ARMC8: variants seen among roughly 807,000 people sequenced by gnomAD.
ARMC8 encodes armadillo repeat-containing protein 8.
Under a neutral mutation model 99.3 loss-of-function variants are expected in ARMC8, and 20 were observed. The observed-to-expected ratio is 0.20, with a 90% CI of 0.14 to 0.29. The LOEUF is 0.29. Among genes scored for constraint, ARMC8 ranks in the 10% least tolerant of loss-of-function variants. ARMC8 has a pLI of 1.00. For missense variants in ARMC8, 569 were observed against 809.5 expected (o/e 0.70, Z 3.60); for synonymous variants, 263 against 278.3 (o/e 0.95, Z 0.55).
At chr3:138,290,059 A>G (rs2050793789) in intron 20 of ARMC8, among the ~76,000 whole-genome samples, 1 of 152,354 alleles carries the variant, frequency 6.6e-6, no homozygotes, top group Admixed American at 6.5e-5. Context: ...ATAGAACAGA[A>G]TGATATGAAA....
At chr3:138,232,726 A>G (rs535768239) in intron 6 of ARMC8, among the ~76,000 whole-genome samples, 2 of 152,376 alleles carry the variant, frequency 1.3e-5, no homozygotes, top group South Asian at 4.1e-4. Context: ...CAGTGTATAT[A>G]GTATTCTACC....
chr3:138,272,644 A>G (rs1187674110), intron 16 of ARMC8, among the ~76,000 whole-genome samples: 3 of 152,196 alleles, frequency 2.0e-5, no homozygotes, highest in Non-Finnish European at 4.4e-5. Context: ...TGGAAGGCCA[A>G]AGCAAGTGGA....
chr3:138,263,407 A>C, intron 12 of ARMC8: 1 of 254,548 alleles, frequency 3.9e-6, no homozygotes. Context: ...GCCCAATGAG[A>C]GTTCATTTAT....
intron 19 of ARMC8, among the ~76,000 whole-genome samples, chr3:138,285,329 T>C (rs2050302960): frequency 6.6e-6 from 1 of 152,226 alleles, no homozygotes; most frequent in Non-Finnish European, 1.5e-5. Flanking sequence ...CTTCAGTGGC[T>C]CCTTGTTATA....
rs751840468 is a variant in ARMC8, at chr3:138,289,104, A to G, written c.1878A>G (p.Ile626Met). Residue 626 changes from isoleucine (I) to methionine (M), a missense_variant, in exon 20 of 22, where the codon ATA becomes ATG. This residue lies in a region of ARMC8 where 227 missense variants were observed against 417.9 expected (regional missense o/e 0.54). Coordinates refer to ENST00000469044, the MANE Select transcript of ARMC8 (RefSeq NM_001363941.2). ...CCATGTTTTGTATATCAAACCTCAT[A>G]TGGAATGAAGAGGAAGGTAAGAGAT... ...LAAMFCISNLIWNEEEGSQER... is the reference protein window; with the variant it reads ...LAAMFCISNLMWNEEEGSQER... 2.5e-6 allele frequency: 4 copies of G among 1,613,110 alleles called. No individual in the cohort carries two copies. The highest frequency in any genetic ancestry group is 1.3e-5 in the African/African-American group (1 of 75,022).
chr3:138,198,526 T>TTATTA (rs1559911367), intron 1 of ARMC8, among the ~76,000 whole-genome samples: 4 of 145,890 alleles, frequency 2.7e-5, no homozygotes, highest in African/African-American at 1.0e-4. Context: ...TATTATTATT[T>TTATTA]TTTGAGACAG....
Position 138,235,108 on chromosome 3 carries a change from CTACAAA to C in ARMC8, c.604_609del (p.Tyr202_Lys203del). On this transcript the variant is annotated inframe_deletion and splice_region_variant, in exon 7 of 22. Coordinates refer to ENST00000469044, the MANE Select transcript of ARMC8 (RefSeq NM_001363941.2). ...TTGCTCACCTACTAACCTCACTGTC[CTACAAA>C]GTAAGATGTTAAAAATTGTGGCCAG... 6.2e-7 allele frequency: 1 copy of C among 1,611,952 alleles called. No homozygotes were observed. The highest frequency in any genetic ancestry group is 8.5e-7 in the Non-Finnish European group (1 of 1,178,450).
chr3:138,188,122 C>G (rs1484838461), intron 1 of ARMC8: 1 of 237,228 alleles, frequency 4.2e-6, no homozygotes, highest in Non-Finnish European at 8.4e-6. Context: ...TGGGCACCGG[C>G]TGAAGCAGTT....
At chr3:138,187,295 C>T (rs1559892487), upstream of ARMC8, 1 of 431,442 alleles carries the variant, frequency 2.3e-6, no homozygotes, top group East Asian at 3.5e-5. Context: ...GCGGAAACCG[C>T]TGCCCGCTTC....
chr3:138,192,389 T>C (rs886568215), intron 1 of ARMC8, among the ~76,000 whole-genome samples: 6 of 150,840 alleles, frequency 4.0e-5, no homozygotes, highest in African/African-American at 1.5e-4. Flanking sequence ...ACCATTCTCC[T>C]GCTTCAGCCT....
intron 12 of ARMC8, among the ~76,000 whole-genome samples, chr3:138,252,003 G>A (rs1248100211): frequency 1.3e-5 from 2 of 152,210 alleles, no homozygotes; most frequent in South Asian, 2.1e-4. Context: ...TGAAATATTT[G>A]GAATAATTAA....
chr3:138,282,251 T>G lies in ARMC8; in HGVS notation c.1726-2180T>G, dbSNP rs1156292796. On this transcript the variant is annotated intron_variant, in intron 18 of 21. Transcript: ENST00000469044. ...GCTTGCTAAGGCTTTCTGTAATCACTTTAAGGAATTCGAGCAGAACTAGAA... is the reference window on the plus strand; with the variant it reads ...GCTTGCTAAGGCTTTCTGTAATCACGTTAAGGAATTCGAGCAGAACTAGAA... 3.3e-5 allele frequency among the ~76,000 whole-genome samples: 5 copies of G among 152,220 alleles called. No individual in the cohort carries two copies. The East Asian group carries it at 9.6e-4, about 29-fold the overall frequency.
chr3:138,206,982 T>C (rs2044405113), intron 1 of ARMC8, among the ~76,000 whole-genome samples: 1 of 152,282 alleles, frequency 6.6e-6, no homozygotes, highest in Non-Finnish European at 1.5e-5. Context: ...AAAGGCAGTG[T>C]GAAATCTCCA....
chr3:138,296,342 AGATTTTCCAG>A lies in ARMC8; in HGVS notation c.*452_*461del, dbSNP rs1190735606. 2.0e-5 allele frequency: 3 copies of A among 153,352 alleles called. No individual in the cohort carries two copies. In the East Asian group the frequency reaches 5.8e-4, roughly 29 times the overall value. The allele number at this position is 153,352 out of a possible 1,614,324, so 9.5% of individuals were successfully genotyped here. A position where few individuals can be genotyped will look rare whatever the true frequency, so the allele number is the denominator to read the frequency against. ...TTTTGTGTGAAAATCTCTTTTCTAC[AGATTTTCCAG>A]GGTTTAAGCATTGCTTGCTGTATAA... On this transcript the variant is annotated 3_prime_UTR_variant, in exon 22 of 22. Transcript: ENST00000469044.
intron 1 of ARMC8, among the ~76,000 whole-genome samples, chr3:138,198,765 G>C (rs867846273): frequency 2.6e-5 from 4 of 151,870 alleles, no homozygotes; most frequent in Admixed American, 1.3e-4. Context: ...CCCTGCTTCG[G>C]CCTCCCAAAG....
At chr3:138,227,356 A>G (rs2045748268) in intron 5 of ARMC8, among the ~76,000 whole-genome samples, 2 of 152,150 alleles carry the variant, frequency 1.3e-5, no homozygotes, top group African/African-American at 4.8e-5. Context: ...AGGCTTTTTA[A>G]TCTACCTATT....
chr3:138,296,106 G>T lies in ARMC8; in HGVS notation c.*214G>T. The T allele has an allele frequency of 8.2e-6, 4 of 490,330 alleles. No homozygotes were observed. Among genetic ancestry groups the T allele is most frequent in the East Asian group, 3.5e-5 (1 of 28,700 alleles). 30.4% of individuals were successfully genotyped at this position (490,330 alleles called of 1,614,324 possible). On this transcript the variant is annotated 3_prime_UTR_variant, in exon 22 of 22. Transcript: ENST00000469044. Reference sequence around the variant, plus strand: ...TCAGAAGACTCTTGTGTTTTGTTTTGGTTTTTTTTTCTGAGCTACTCGGAC... The same window carrying T: ...TCAGAAGACTCTTGTGTTTTGTTTTTGTTTTTTTTTCTGAGCTACTCGGAC...
chr3:138,215,841 G>A (rs1470375087), intron 2 of ARMC8, among the ~76,000 whole-genome samples: 1 of 151,332 alleles, frequency 6.6e-6, no homozygotes, highest in Non-Finnish European at 1.5e-5. Context: ...AACTTTTCAT[G>A]GTTTATTTAT....
chr3:138,224,768 T>C (rs1483058903), intron 5 of ARMC8, among the ~76,000 whole-genome samples: 1 of 152,182 alleles, frequency 6.6e-6, no homozygotes, highest in Non-Finnish European at 1.5e-5. Flanking sequence ...TGTCTCTAAA[T>C]AAGTACATAA....
Sources: gnomAD v4.1 joint callset for allele counts (sites outside exome capture counted in the v4.1 genomes callset) on GRCh38, gnomAD v4.1.1 for gene constraint, gnomAD v4.1.1 regional missense constraint, MANE v1.5 for transcripts, NCBI Gene and HGNC (gene_info 2026-07-23, HGNC 2026-07-21) for gene names.